TBCEL: variants seen among roughly 807,000 people sequenced by gnomAD.
TBCEL encodes tubulin folding cofactor E like.
A neutral mutation model predicts 44.2 loss-of-function variants in TBCEL; 15 were observed. The observed-to-expected ratio is 0.34, with a 90% CI of 0.23 to 0.52. TBCEL has a LOEUF of 0.52. TBCEL is among the 20% of genes least tolerant of loss of function. The probability of loss-of-function intolerance (pLI) is 0.95; values close to 1 mark genes in which losing one functional copy is unlikely to be tolerated. For missense variants in TBCEL, 319 were observed against 506.3 expected, an observed-to-expected ratio of 0.63 and a Z score of 3.55; for synonymous variants, 171 against 185.4, an observed-to-expected ratio of 0.92 and a Z score of 0.63.
At chr11:121,063,085 C>G (rs1717980108) in intron 8 of TBCEL, among the ~76,000 whole-genome samples, 1 of 152,240 alleles carries the variant, frequency 6.6e-6, no homozygotes, top group East Asian at 1.9e-4. Flanking sequence ...ATTTCTCACT[C>G]GCCTTTACTT....
intron 8 of TBCEL, among the ~76,000 whole-genome samples, chr11:121,061,411 A>G (rs1945719047): frequency 6.6e-6 from 1 of 151,880 alleles, no homozygotes; most frequent in East Asian, 1.9e-4. Flanking sequence ...ATACATGTAC[A>G]TACATACATA....
intron 8 of TBCEL, among the ~76,000 whole-genome samples, chr11:121,084,799 T>G (rs1239952458): frequency 6.6e-6 from 1 of 152,108 alleles, no homozygotes; most frequent in Non-Finnish European, 1.5e-5. Flanking sequence ...TAACCTAGTT[T>G]CAGTTATTTG....
Position 121,047,656 on chromosome 11 carries a change from G to C in TBCEL, c.262G>C (p.Asp88His). The C allele has an allele frequency of 6.2e-7, 1 of 1,612,322 alleles. No homozygotes were observed. Among genetic ancestry groups the C allele is most frequent in the Non-Finnish European group, 8.5e-7 (1 of 1,179,002 alleles). ...ELDLSDNKLEDWHEVSKIVSN... is the reference protein window; with the variant it reads ...ELDLSDNKLEHWHEVSKIVSN... The stretch of plus-strand genomic sequence containing the variant: ...AGATCTTTCTGACAACAAACTCGAA[G>C]ACTGGCATGAGGTGAAGTTTTTATA... The change falls in exon 4 of 9, where the codon GAC becomes CAC. Residue 88 changes from aspartate to histidine, a missense_variant. Transcript: ENST00000683345.
intron 8 of TBCEL, among the ~76,000 whole-genome samples, chr11:121,083,596 AAT>A (rs1291435313): frequency 1.3e-5 from 2 of 152,202 alleles, no homozygotes; most frequent in Admixed American, 6.5e-5. Context: ...TTTGTGTACA[AAT>A]ATGTTTATGG....
intron 4 of TBCEL, 80 bp downstream of exon 4, chr11:121,047,747 C>G: frequency 6.6e-7 from 1 of 1,525,258 alleles, no homozygotes; most frequent in Non-Finnish European, 8.9e-7. Context: ...ATATGTTCTG[C>G]TAAATTCTGT....
At chr11:121,025,360 T>C (rs1463657033) in intron 1 of TBCEL, among the ~76,000 whole-genome samples, 1 of 151,994 alleles carries the variant, frequency 6.6e-6, no homozygotes, top group East Asian at 1.9e-4. Flanking sequence ...CTTTGGGTCC[T>C]GAGATGCATT....
At chr11:121,084,302 C>G (rs1946177114) in intron 8 of TBCEL, among the ~76,000 whole-genome samples, 1 of 152,126 alleles carries the variant, frequency 6.6e-6, no homozygotes, top group East Asian at 1.9e-4. Context: ...CAGTTTGTTT[C>G]TTTAGCTCTA....
chr11:121,073,625 G>A lies in TBCEL; in HGVS notation c.957-13153G>A, dbSNP rs535293792. 4.0e-4 allele frequency among the ~76,000 whole-genome samples: 60 copies of A among 151,724 alleles called. No homozygotes were observed. In the South Asian group the frequency reaches 0.012, roughly 30 times the overall value. The stretch of plus-strand genomic sequence containing the variant: ...TGACCTCCAGTATAATATTTAAAAT[G>A]CGCAGTAAAAGAGGTCATCTTTATC... On this transcript the variant is annotated intron_variant, in intron 8 of 8. Coordinates refer to ENST00000683345, the MANE Select transcript of TBCEL (RefSeq NM_001363644.2).
chr11:121,081,259 T>TA (rs1292259453), intron 8 of TBCEL, among the ~76,000 whole-genome samples: 1 of 152,202 alleles, frequency 6.6e-6, no homozygotes, highest in African/African-American at 2.4e-5. Context: ...AAATTTTTTT[T>TA]TACTTGTGAT....
At chr11:121,034,010 T>G (rs1322586167) in intron 1 of TBCEL, among the ~76,000 whole-genome samples, 1 of 152,190 alleles carries the variant, frequency 6.6e-6, no homozygotes, top group Admixed American at 6.5e-5. Flanking sequence ...ATCTGTCACA[T>G]TCTGTTTATC....
intron 8 of TBCEL, among the ~76,000 whole-genome samples, chr11:121,076,867 G>T (rs551014529): frequency 2.0e-5 from 3 of 151,906 alleles, no homozygotes; most frequent in African/African-American, 7.2e-5. Flanking sequence ...TTCATGAATG[G>T]GTGCTGAATT....
chr11:121,035,457 A>C (rs1430136800), intron 1 of TBCEL: 1 of 150,998 alleles, frequency 6.6e-6, no homozygotes, highest in African/African-American at 2.4e-5. Flanking sequence ...GAAAAAAAAA[A>C]CAAAAACAAA....
In TBCEL at chr11:121,058,364, C is replaced by G; in HGVS notation, c.732C>G (p.Asp244Glu). 6.2e-7 allele frequency: 1 copy of G among 1,611,492 alleles called. No individual in the cohort carries two copies. The highest frequency in any genetic ancestry group is 2.2e-5 in the East Asian group (1 of 44,824). ...LHKSGLQSWE[D>E]IDKLNSFPKL... Reference sequence around the variant, plus strand: ...AATTAGGTTTGCAGTCCTGGGAAGACATTGATAAACTAAATTCATTTCCCA... The same window carrying G: ...AATTAGGTTTGCAGTCCTGGGAAGAGATTGATAAACTAAATTCATTTCCCA... The change falls in exon 7 of 9, where the codon GAC becomes GAG. Residue 244 changes from aspartate (D) to glutamate (E), a missense_variant. Physicochemically the swap from Asp to Glu is conservative, Grantham distance 45 (BLOSUM62 2). Coordinates refer to ENST00000683345, the MANE Select transcript of TBCEL (RefSeq NM_001363644.2).
chr11:121,082,862 C>G (rs1251484148), intron 8 of TBCEL, among the ~76,000 whole-genome samples: 1 of 152,160 alleles, frequency 6.6e-6, no homozygotes, highest in African/African-American at 2.4e-5. Flanking sequence ...GCTGCTGTCC[C>G]TGGTGCTGAT....
rs1945449992 is a variant in TBCEL, at chr11:121,047,468, AACAT to A, written c.134-58_134-55del. 22 of 1,596,876 alleles carry A rather than the reference AACAT, an allele frequency of 1.4e-5. No homozygotes were observed. In the South Asian group the frequency reaches 2.4e-4, roughly 18 times the overall value. Reference sequence around the variant, plus strand: ...GTTTCTTGACACTTCCTGGGGGCTGAACATATGTAGACAAGAATTTGGCTGATAT... The same window carrying A: ...GTTTCTTGACACTTCCTGGGGGCTGAATGTAGACAAGAATTTGGCTGATAT... On this transcript the variant is annotated intron_variant, in intron 3 of 8. Coordinates refer to ENST00000683345, the MANE Select transcript of TBCEL (RefSeq NM_001363644.2).
chr11:121,076,039 C>T (rs1254824578), intron 8 of TBCEL, among the ~76,000 whole-genome samples: 1 of 151,866 alleles, frequency 6.6e-6, no homozygotes, highest in African/African-American at 2.4e-5. Context: ...TGTTTATTGA[C>T]CCATGTCTGT....
intron 6 of TBCEL, 42 bp from the exon 7 acceptor site, chr11:121,058,303 G>T: frequency 6.3e-7 from 1 of 1,598,448 alleles, no homozygotes; most frequent in South Asian, 1.1e-5. Flanking sequence ...TCTTATTTAT[G>T]TGCATCTCTG....
rs966791433 is a variant in TBCEL, at chr11:121,064,150, G to A, written c.956+4065G>A. 4.6e-5 allele frequency among the ~76,000 whole-genome samples: 7 copies of A among 152,224 alleles called. 1 individual carries two copies. Among genetic ancestry groups the A allele is most frequent in the Admixed American group, 6.5e-5 (1 of 15,290 alleles). ...AGACATGCCTTTGGGTTCTAAAGCC[G>A]CTAAACCTAGGAATATGAAATAAGA... On this transcript the variant is annotated intron_variant, in intron 8 of 8. Transcript: ENST00000683345.
At chr11:121,086,731 C>A (rs1314501790) in intron 8 of TBCEL, 47 bp from the exon 9 acceptor site, 1 of 1,416,758 alleles carries the variant, frequency 7.1e-7, no homozygotes, top group African/African-American at 1.4e-5. Context: ...GTCCACAGTA[C>A]ATGTGCTAGT....
Sources: gnomAD v4.1 joint callset for allele counts (sites outside exome capture counted in the v4.1 genomes callset) on GRCh38, gnomAD v4.1.1 for gene constraint, MANE v1.5 for transcripts, NCBI Gene and HGNC (gene_info 2026-07-23, HGNC 2026-07-21) for gene names.